Variants in SLC12A1 observed in about 807,000 individuals in gnomAD.
SLC12A1 encodes the protein solute carrier family 12 member 1.
In SLC12A1, 89 loss-of-function variants were observed where a neutral mutation model predicts 130.4. The observed-to-expected ratio is 0.68, with a 90% CI of 0.58 to 0.81. The LOEUF (loss-of-function observed/expected upper bound fraction) is 0.81, where lower values mean the gene tolerates loss of function less well. Among genes scored for constraint, SLC12A1 ranks in the 40% least tolerant of loss-of-function variants. The pLI, the probability that SLC12A1 is intolerant of heterozygous loss-of-function variation, is 0.00. For missense variants in SLC12A1, 1,310 were observed against 1,336.4 expected (o/e 0.98, Z 0.31); for synonymous variants, 499 against 460.0 (o/e 1.08, Z -1.09).
rs550686114 is a variant in SLC12A1 at position 48,254,592 on chromosome 15, TAAAAAAAAAAAAAAAAAAAAAAAA to T, written c.1943-1204_1943-1181del. On this transcript the variant is annotated intron_variant, in intron 15 of 26. Transcript: ENST00000380993. ...AAGATCCATTTAATACTTAAATTCG[TAAAAAAAAAAAAAAAAAAAAAAAA>T]AAAAAAAAAAAAAACCCAAAAAAGA... Among the ~76,000 whole-genome samples, 33 of 52,892 alleles carry T rather than the reference TAAAAAAAAAAAAAAAAAAAAAAAA, an allele frequency of 6.2e-4. 1 individual carries two copies. In the South Asian group the frequency reaches 0.019, roughly 30 times the overall value. The allele number at this position is 52,892 out of a possible 152,430, so 34.7% of individuals were successfully genotyped here. A position where few individuals can be genotyped will look rare whatever the true frequency, so the allele number is the denominator to read the frequency against.
chr15:48,290,349 G>C (rs1331832595), intron 23 of SLC12A1, among the ~76,000 whole-genome samples: 1 of 152,180 alleles, frequency 6.6e-6, no homozygotes, highest in Non-Finnish European at 1.5e-5. Flanking sequence ...CCTGCCTGAA[G>C]CTGTTTCACA....
chr15:48,255,810 G>T lies in SLC12A1; in HGVS notation c.1943-1G>T. 6.3e-7 allele frequency: 1 copy of T among 1,593,874 alleles called. No individual in the cohort carries two copies. Among genetic ancestry groups the T allele is most frequent in the Non-Finnish European group, 8.6e-7 (1 of 1,166,272 alleles). On this transcript the variant is annotated splice_acceptor_variant, in intron 15 of 26. Coordinates refer to ENST00000380993, the MANE Select transcript of SLC12A1 (RefSeq NM_000338.3). LOFTEE classifies it high-confidence loss of function. ...ATGCCAATTTCCTCCTTTATCCACA[G>T]ATGTGAACTGGGGCTCCTCCACACA...
chr15:48,266,840 G>T (rs556486224), intron 17 of SLC12A1, among the ~76,000 whole-genome samples: 1 of 152,274 alleles, frequency 6.6e-6, no homozygotes, highest in East Asian at 1.9e-4. Flanking sequence ...TTAAAAATGT[G>T]TTTCCAGAAC....
At chr15:48,264,416 T>C (rs184398332) in intron 17 of SLC12A1, among the ~76,000 whole-genome samples, 2 of 152,162 alleles carry the variant, frequency 1.3e-5, no homozygotes, top group South Asian at 2.1e-4. Flanking sequence ...GTTCAAGCCC[T>C]TATAACCCAG....
At chr15:48,275,125 C>T (rs929141067) in intron 20 of SLC12A1, among the ~76,000 whole-genome samples, 16 of 152,166 alleles carry the variant, frequency 1.1e-4, no homozygotes, top group African/African-American at 3.6e-4. Flanking sequence ...AACACTAATT[C>T]AGATGAGTGA....
Position 48,259,658 on chromosome 15 carries a change from A to G in SLC12A1, c.2154+347A>G, listed in dbSNP as rs35005261. ...AAATATAAAAAGATGGAATGAGCCA[A>G]ATAGAGCACTATTATAGAGATTAAC... On this transcript the variant is annotated intron_variant, in intron 17 of 26. Transcript: ENST00000380993. Among the ~76,000 whole-genome samples the G allele has an allele frequency of 4.9e-3, 743 of 152,328 alleles. 8 individuals are homozygous for G. Among genetic ancestry groups the G allele is most frequent in the Middle Eastern group, 0.044 (13 of 294 alleles).
Position 48,251,756 on chromosome 15 carries a change from C to T in SLC12A1, c.1928C>T (p.Thr643Ile). 6.2e-7 allele frequency: 1 copy of T among 1,613,772 alleles called. No homozygotes were observed. The highest frequency in any genetic ancestry group is 1.1e-5 in the South Asian group (1 of 91,040). ...GAATTCTTCCTTTACGTCTATGTGA[C>T]TTGTAAGAAGCCAGGTAAGATAATG... ...VIEFFLYVYV[T>I]CKKPDVNWGS... Residue 643 changes from threonine to isoleucine, a missense_variant, in exon 15 of 27, where the codon ACT becomes ATT. Thr to Ile is a moderately conservative substitution (Grantham distance 89). Coordinates refer to ENST00000380993, the MANE Select transcript of SLC12A1 (RefSeq NM_000338.3).
At chr15:48,260,702 T>C (rs1326354078) in intron 17 of SLC12A1, among the ~76,000 whole-genome samples, 7 of 152,132 alleles carry the variant, frequency 4.6e-5, no homozygotes, top group Admixed American at 4.6e-4. Context: ...GGGAGTACTA[T>C]TGAAATCCAG....
At position 48,241,515 on chromosome 15, in the gene SLC12A1, G is replaced by T; in HGVS notation, c.1216G>T (p.Asp406Tyr). 1 of 1,610,120 alleles carries T rather than the reference G, an allele frequency of 6.2e-7. No individual in the cohort carries two copies. Among genetic ancestry groups the T allele is most frequent in the Non-Finnish European group, 8.5e-7 (1 of 1,176,612 alleles). The change falls in exon 10 of 27, where the codon GAT (aspartate) becomes TAT (tyrosine). Residue 406 changes from aspartate (D) to tyrosine (Y), a missense_variant and splice_region_variant. Coordinates refer to ENST00000380993, the MANE Select transcript of SLC12A1 (RefSeq NM_000338.3). Reference sequence around the variant, plus strand: ...CTACCTCCACATTATTTTTTTAAAGGATCCCCAAGATGCCATCCCCAGAGG... The same window carrying T: ...CTACCTCCACATTATTTTTTTAAAGTATCCCCAAGATGCCATCCCCAGAGG... ...AGANISGDLE[D>Y]PQDAIPRGTM...
At chr15:48,290,341 T>A (rs1259282689) in intron 23 of SLC12A1, among the ~76,000 whole-genome samples, 2 of 152,220 alleles carry the variant, frequency 1.3e-5, no homozygotes, top group African/African-American at 4.8e-5. Flanking sequence ...CTAAAGGACC[T>A]GCCTGAAGCT....
At chr15:48,294,174 C>A (rs2141122344) in intron 24 of SLC12A1, among the ~76,000 whole-genome samples, 1 of 151,700 alleles carries the variant, frequency 6.6e-6, no homozygotes, top group Non-Finnish European at 1.5e-5. Context: ...CACGGTGAAA[C>A]CCCGTCTCTA....
At chr15:48,252,735 G>C (rs930280200) in intron 15 of SLC12A1, among the ~76,000 whole-genome samples, 4 of 152,040 alleles carry the variant, frequency 2.6e-5, no homozygotes, top group African/African-American at 9.7e-5. Flanking sequence ...ACTGGGGTTT[G>C]GTTAATCAGA....
At chr15:48,244,397 A>G (rs2041553800) in intron 10 of SLC12A1, among the ~76,000 whole-genome samples, 1 of 152,208 alleles carries the variant, frequency 6.6e-6, no homozygotes, top group Non-Finnish European at 1.5e-5. Context: ...AAATCCTTCT[A>G]CTTGAAAAAC....
At chr15:48,238,384 T>C (rs1036256337) in intron 9 of SLC12A1, among the ~76,000 whole-genome samples, 1 of 152,084 alleles carries the variant, frequency 6.6e-6, no homozygotes, top group Admixed American at 6.6e-5. Context: ...AATGCAGGTA[T>C]GTGCAAAAGG....
intron 10 of SLC12A1, among the ~76,000 whole-genome samples, chr15:48,244,123 A>G (rs1390245394): frequency 6.6e-6 from 1 of 152,190 alleles, no homozygotes; most frequent in African/African-American, 2.4e-5. Context: ...ATACACTCAA[A>G]TGTATGAAAA....
At chr15:48,216,638 T>C (rs1399332233) in intron 2 of SLC12A1, among the ~76,000 whole-genome samples, 2 of 152,208 alleles carry the variant, frequency 1.3e-5, no homozygotes, top group African/African-American at 4.8e-5. Context: ...GGCTATGGGA[T>C]TTTGATTAAC....
intron 15 of SLC12A1, among the ~76,000 whole-genome samples, chr15:48,253,383 G>C (rs2041669725): frequency 6.6e-6 from 1 of 152,198 alleles, no homozygotes; most frequent in Admixed American, 6.5e-5. Context: ...CTGCTTTTCT[G>C]ACGTCTGATC....
chr15:48,259,282 G>A lies in SLC12A1; in HGVS notation c.2125G>A (p.Gly709Ser), dbSNP rs1256529616. The A allele has an allele frequency of 1.2e-6, 2 of 1,613,488 alleles. No homozygotes were observed. Among genetic ancestry groups the A allele is most frequent in the South Asian group, 1.1e-5 (1 of 91,050 alleles). The change falls in exon 17 of 27, where the codon GGC (glycine) becomes AGC (serine). Residue 709 changes from glycine (G) to serine (S), a missense_variant. Physicochemically the swap from Gly to Ser is moderately conservative, Grantham distance 56. Coordinates refer to ENST00000380993, the MANE Select transcript of SLC12A1 (RefSeq NM_000338.3). ...AACTCACGCCTTTACCAAGAACAGT[G>A]GCCTTTGCATCTGCTGTGAAGTCTT... Reference protein sequence around the residue: ...DITHAFTKNSGLCICCEVFVG... With the variant: ...DITHAFTKNSSLCICCEVFVG...
Position 48,207,924 on chromosome 15 carries a change from T to C in SLC12A1, c.205T>C (p.Cys69Arg), listed in dbSNP as rs201119328. Residue 69 changes from cysteine (C) to arginine (R), a missense_variant, in exon 2 of 27, where the codon TGC becomes CGC. By Grantham distance (180) the Cys-to-Arg change is radical. Transcript: ENST00000380993. ...RISFRPGNQE[C>R]YDNFLQSGET... ...CAGCTTTAGGCCTGGGAATCAGGAG[T>C]GCTATGACAATTTCCTCCAAAGTGG... 28 of 1,613,790 alleles carry C rather than the reference T, an allele frequency of 1.7e-5. No individual in the cohort carries two copies. The highest frequency in any genetic ancestry group is 2.3e-5 in the Non-Finnish European group (27 of 1,179,882).
Sources: gnomAD v4.1 joint callset for allele counts (sites outside exome capture counted in the v4.1 genomes callset) on GRCh38, gnomAD v4.1.1 for gene constraint, MANE v1.5 for transcripts, NCBI Gene and HGNC (gene_info 2026-07-23, HGNC 2026-07-21) for gene names.